PRELID2: variants seen among roughly 807,000 people sequenced by gnomAD.
PRELID2 encodes PRELI domain-containing protein 2.
PRELID2 carries 25 observed loss-of-function variants against 28.4 expected under a neutral mutation model. The ratio of observed to expected loss-of-function variants is 0.88; its 90% CI spans 0.64 to 1.23. PRELID2 has a LOEUF of 1.23. Among genes scored for constraint, PRELID2 ranks in the 50% most tolerant of loss-of-function variants. The pLI is 0.00. For missense variants in PRELID2, 201 were observed against 214.4 expected (o/e 0.94, Z 0.39); for synonymous variants, 76 against 71.6 (o/e 1.06, Z -0.31).
chr5:145,821,193 CTGTG>C (rs67638075), intron 2 of PRELID2, among the ~76,000 whole-genome samples: 2 of 116,948 alleles, frequency 1.7e-5, no homozygotes, highest in African/African-American at 3.4e-5. Context: ...AAGTCCTCTT[CTGTG>C]TGTGTGTGTG....
chr5:145,270,175 A>G, the PRELID2 span, among the ~76,000 whole-genome samples: 1 of 151,776 alleles, frequency 6.6e-6, no homozygotes, highest in Non-Finnish European at 1.5e-5. Context: ...TTTAAAAAAA[A>G]CTCTTCAGCG....
At chr5:145,372,603 C>A in the PRELID2 span, among the ~76,000 whole-genome samples, 1 of 151,614 alleles carries the variant, frequency 6.6e-6, no homozygotes, top group Non-Finnish European at 1.5e-5. Flanking sequence ...TTGTGTAATG[C>A]CCTTCTTTGT....
the PRELID2 span, among the ~76,000 whole-genome samples, chr5:145,296,517 G>T: frequency 1.3e-5 from 2 of 152,070 alleles, no homozygotes; most frequent in African/African-American, 4.8e-5. Context: ...CAAAGGACAT[G>T]AACTCATCAT....
rs146780777 is a variant in PRELID2 at position 145,539,791 on chromosome 5, G to A, written n.71-66476C>T. On this transcript the variant is annotated intron_variant and non_coding_transcript_variant, in intron 1 of 2. Coordinates refer to the PRELID2 transcript ENST00000510259. ...GTTTTAAGTATTTATTAAATATTAC[G>A]TTTCCAGAAAGTTCTTAATAATTTG... 8.8e-3 allele frequency among the ~76,000 whole-genome samples: 1,334 copies of A among 151,564 alleles called. 13 individuals are homozygous for A. Among genetic ancestry groups the A allele is most frequent in the Non-Finnish European group, 0.014 (919 of 67,812 alleles).
At position 145,582,664 on chromosome 5, in the gene PRELID2, A is replaced by G. The variant is rs140519772; in HGVS notation, n.71-109349T>C. Among the ~76,000 whole-genome samples, 801 of 152,240 alleles carry G rather than the reference A, an allele frequency of 5.3e-3. 2 individuals carry two copies. The highest frequency in any genetic ancestry group is 8.1e-3 in the Non-Finnish European group (554 of 67,992). ...AAACAACCATCAGAGAATACTATAA[A>G]CACCTCTATGCACAGAAACTAGCAA... On this transcript the variant is annotated intron_variant and non_coding_transcript_variant, in intron 1 of 2. Transcript: ENST00000510259.
the PRELID2 span, among the ~76,000 whole-genome samples, chr5:145,366,513 A>G: frequency 6.6e-6 from 1 of 151,902 alleles, no homozygotes; most frequent in Non-Finnish European, 1.5e-5. Context: ...GTCGCCAAGC[A>G]TTGTTTAGAG....
At chr5:145,420,429 C>A in the PRELID2 span, among the ~76,000 whole-genome samples, 3 of 150,676 alleles carry the variant, frequency 2.0e-5, no homozygotes, top group Admixed American at 1.3e-4. Context: ...TTGTAGTTCT[C>A]CTTGAAGAGG....
At chr5:145,255,501 C>T in the PRELID2 span, among the ~76,000 whole-genome samples, 1 of 151,854 alleles carries the variant, frequency 6.6e-6, no homozygotes, top group Non-Finnish European at 1.5e-5. Flanking sequence ...TGGCTCGGTG[C>T]AGTGGCTCAC....
chr5:145,270,249 G>A, the PRELID2 span, among the ~76,000 whole-genome samples: 1 of 151,998 alleles, frequency 6.6e-6, no homozygotes, highest in African/African-American at 2.4e-5. Context: ...ATTTATCCCA[G>A]ATCATTGAAA....
intron 1 of PRELID2, among the ~76,000 whole-genome samples, chr5:145,650,022 T>C (rs1754262452): frequency 6.6e-6 from 1 of 152,228 alleles, no homozygotes; most frequent in Non-Finnish European, 1.5e-5. Flanking sequence ...AAGGATGTTA[T>C]CTTCCTGCAA....
intron 5 of PRELID2, among the ~76,000 whole-genome samples, chr5:145,784,875 T>C (rs1751889697): frequency 6.6e-6 from 1 of 151,986 alleles, no homozygotes; most frequent in African/African-American, 2.4e-5. Flanking sequence ...ATGTTAAATG[T>C]GAATACACTG....
intron 4 of PRELID2, among the ~76,000 whole-genome samples, chr5:145,804,570 G>A (rs1298853867): frequency 6.6e-6 from 1 of 152,074 alleles, no homozygotes; most frequent in Non-Finnish European, 1.5e-5. Context: ...GCCTATTGTG[G>A]TAAAGCATTG....
intron 1 of PRELID2, among the ~76,000 whole-genome samples, chr5:145,830,442 C>T (rs1000796764): frequency 6.6e-6 from 1 of 152,106 alleles, no homozygotes. Context: ...GAAAGGCAAG[C>T]CCATTAAAAA....
intron 1 of PRELID2, among the ~76,000 whole-genome samples, chr5:145,586,361 G>A (rs1204019543): frequency 1.3e-5 from 2 of 151,966 alleles, no homozygotes; most frequent in Non-Finnish European, 2.9e-5. Flanking sequence ...ATAACATAAA[G>A]GCCAGGTGCA....
the PRELID2 span, among the ~76,000 whole-genome samples, chr5:145,313,399 G>A: frequency 2.0e-5 from 3 of 152,320 alleles, no homozygotes; most frequent in Admixed American, 2.0e-4. Flanking sequence ...CTTCTCATTT[G>A]CAGGTTTATT....
chr5:145,605,677 A>C (rs1334961929), intron 1 of PRELID2, among the ~76,000 whole-genome samples: 1 of 152,032 alleles, frequency 6.6e-6, no homozygotes, highest in Admixed American at 6.6e-5. Flanking sequence ...GTTCCATATG[A>C]ATTTTAAAAT....
At chr5:145,712,631 C>G (rs776330063) in intron 1 of PRELID2, among the ~76,000 whole-genome samples, 1 of 151,988 alleles carries the variant, frequency 6.6e-6, no homozygotes, top group Non-Finnish European at 1.5e-5. Flanking sequence ...ATCCAGCATA[C>G]AATTTTAAAA....
At chr5:145,786,875 C>T (rs1023517087) in intron 5 of PRELID2, among the ~76,000 whole-genome samples, 3 of 152,196 alleles carry the variant, frequency 2.0e-5, no homozygotes, top group African/African-American at 7.2e-5. Flanking sequence ...GCATACACCC[C>T]AAGGAAACTG....
intron 5 of PRELID2, among the ~76,000 whole-genome samples, chr5:145,767,880 C>G (rs1328833663): frequency 1.3e-5 from 2 of 152,144 alleles, no homozygotes; most frequent in African/African-American, 4.8e-5. Context: ...TATCCTTAAT[C>G]ATTTCTGAAG....
Sources: gnomAD v4.1 joint callset for allele counts (sites outside exome capture counted in the v4.1 genomes callset) on GRCh38, gnomAD v4.1.1 for gene constraint, MANE v1.5 for transcripts, NCBI Gene and HGNC (gene_info 2026-07-23, HGNC 2026-07-21) for gene names.